Variants in CNGA1 observed in about 807,000 individuals in gnomAD.
CNGA1 encodes the protein cyclic nucleotide gated channel subunit alpha 1, also known as cyclic nucleotide-gated channel alpha-1.
Under a neutral mutation model 69.7 loss-of-function variants are expected in CNGA1, and 53 were observed. That is an observed-to-expected ratio of 0.76 (90% CI 0.61 to 0.96). The LOEUF is 0.96. Among genes scored for constraint, CNGA1 ranks in the 40% least tolerant of loss-of-function variants. The pLI is 0.00. For missense variants in CNGA1, 739 were observed against 811.2 expected, an observed-to-expected ratio of 0.91 and a Z score of 1.08; for synonymous variants, 249 against 283.5, an observed-to-expected ratio of 0.88 and a Z score of 1.22.
chr4:47,958,640 C>G (rs900950289), intron 3 of CNGA1, among the ~76,000 whole-genome samples: 1 of 151,406 alleles, frequency 6.6e-6, no homozygotes, highest in African/African-American at 2.4e-5. Context: ...AAAAAATAGA[C>G]GTAGATGATT....
At chr4:47,958,474 A>C (rs1560291636) in intron 3 of CNGA1, among the ~76,000 whole-genome samples, 1 of 152,120 alleles carries the variant, frequency 6.6e-6, no homozygotes, top group Non-Finnish European at 1.5e-5. Context: ...AAATACAAAA[A>C]TTAGCAGGGC....
At chr4:48,000,179 G>A (rs321636) in intron 2 of CNGA1, among the ~76,000 whole-genome samples, 43,942 of 151,842 alleles carry the variant, frequency 0.29, 7,017 homozygotes, top group African/African-American at 0.43. Flanking sequence ...CATATTAATT[G>A]GATCAACATG....
rs2110129173 is a variant in CNGA1 at position 47,937,277 on chromosome 4, G to A, written c.1205C>T (p.Ala402Val). The A allele has an allele frequency of 6.2e-7, 1 of 1,613,850 alleles. No individual in the cohort carries two copies. The highest frequency in any genetic ancestry group is 8.5e-7 in the Non-Finnish European group (1 of 1,180,030). ...AATTCTTGCTTGAAATTCTGCTCTG[G>A]CTGCATTCATGTTGGAAATCATAGA... ...IGSMISNMNA[A>V]RAEFQARIDA... is the part of the protein sequence containing the mutation. The change falls in exon 11 of 11, where the codon GCC (alanine) becomes GTC (valine). Residue 402 changes from alanine to valine, a missense_variant. By Grantham distance (64) the Ala-to-Val change is moderately conservative. Transcript: ENST00000514170.
intron 10 of CNGA1, among the ~76,000 whole-genome samples, chr4:47,938,259 T>A (rs1462377249): frequency 2.6e-5 from 4 of 152,050 alleles, no homozygotes; most frequent in Non-Finnish European, 5.9e-5. Flanking sequence ...AGGTCTATCA[T>A]CACCATCCAG....
intron 2 of CNGA1, among the ~76,000 whole-genome samples, chr4:48,001,581 C>A (rs1714666308): frequency 1.3e-5 from 2 of 152,228 alleles, no homozygotes; most frequent in Admixed American, 1.3e-4. Context: ...ATAAAATTGT[C>A]TATTAATTAA....
At chr4:48,008,779 T>C (rs1275826892) in intron 2 of CNGA1, among the ~76,000 whole-genome samples, 1 of 152,234 alleles carries the variant, frequency 6.6e-6, no homozygotes, top group Non-Finnish European at 1.5e-5. Flanking sequence ...TGTCCTTGCT[T>C]ATTCCCAAAC....
intron 1 of CNGA1, among the ~76,000 whole-genome samples, chr4:48,013,679 T>C (rs1295238188): frequency 6.6e-6 from 1 of 152,222 alleles, no homozygotes; most frequent in Non-Finnish European, 1.5e-5. Context: ...GCTTCACTTT[T>C]CCCTTTAGCT....
chr4:48,007,198 T>C (rs571154592), intron 2 of CNGA1, among the ~76,000 whole-genome samples: 12 of 152,350 alleles, frequency 7.9e-5, no homozygotes, highest in African/African-American at 2.6e-4. Flanking sequence ...ATATTGGTCA[T>C]AAAATTTAAC....
intron 3 of CNGA1, among the ~76,000 whole-genome samples, chr4:47,979,350 C>T (rs1305242306): frequency 6.7e-6 from 1 of 148,574 alleles, no homozygotes; most frequent in Non-Finnish European, 1.5e-5. Flanking sequence ...AATCTTGGCA[C>T]AAGGGTTGTC....
At chr4:48,008,237 C>T (rs1467751670) in intron 2 of CNGA1, among the ~76,000 whole-genome samples, 1 of 152,024 alleles carries the variant, frequency 6.6e-6, no homozygotes, top group Non-Finnish European at 1.5e-5. Flanking sequence ...TCATGACATG[C>T]TTGGACTTTC....
At chr4:47,976,371 T>G (rs912568409) in intron 3 of CNGA1, among the ~76,000 whole-genome samples, 1 of 146,498 alleles carries the variant, frequency 6.8e-6, no homozygotes, top group African/African-American at 2.5e-5. Context: ...GTGTTTATTA[T>G]GGGTACAGGT....
intron 3 of CNGA1, among the ~76,000 whole-genome samples, chr4:47,979,975 G>T (rs1374806327): frequency 2.0e-5 from 3 of 152,138 alleles, no homozygotes; most frequent in Non-Finnish European, 4.4e-5. Flanking sequence ...AACTTTGACT[G>T]TGGCCTGTAT....
At chr4:47,976,340 C>T (rs933648067) in intron 3 of CNGA1, among the ~76,000 whole-genome samples, 1 of 22,668 alleles carries the variant, frequency 4.4e-5, no homozygotes, top group African/African-American at 9.9e-5. Flanking sequence ...TATATATACA[C>T]ATATATATAT....
intron 9 of CNGA1, 42 bp from the exon 10 acceptor site, chr4:47,940,911 G>T: frequency 7.6e-7 from 1 of 1,307,658 alleles, no homozygotes; most frequent in Non-Finnish European, 1.1e-6. Context: ...AAAGAAATGG[G>T]GGCCAATTTA....
chr4:47,990,051 AC>A (rs1692934969), intron 2 of CNGA1, among the ~76,000 whole-genome samples: 1 of 149,318 alleles, frequency 6.7e-6, no homozygotes, highest in African/African-American at 2.6e-5. Context: ...GATTGCATTA[AC>A]GGTACAAATT....
chr4:47,948,875 G>GTGC (rs1345106972), intron 6 of CNGA1, among the ~76,000 whole-genome samples: 1 of 152,178 alleles, frequency 6.6e-6, no homozygotes, highest in East Asian at 1.9e-4. Context: ...ACCAGCAGAT[G>GTGC]TGCTGGCTAA....
chr4:47,960,167 G>C (rs986763556), intron 3 of CNGA1, among the ~76,000 whole-genome samples: 1 of 152,128 alleles, frequency 6.6e-6, no homozygotes, highest in African/African-American at 2.4e-5. Context: ...ATGAAAATGT[G>C]CTTAACTCAT....
At chr4:47,945,764 T>C (rs1739360676) in intron 6 of CNGA1, among the ~76,000 whole-genome samples, 1 of 151,664 alleles carries the variant, frequency 6.6e-6, no homozygotes, top group Non-Finnish European at 1.5e-5. Flanking sequence ...CATGGAGGAG[T>C]GGTGGTCTCT....
At chr4:47,974,131 ATAGC>A in intron 3 of CNGA1, among the ~76,000 whole-genome samples, 1 of 151,884 alleles carries the variant, frequency 6.6e-6, no homozygotes, top group Non-Finnish European at 1.5e-5. Context: ...TAGATGATAG[ATAGC>A]TAGATAAAAC....
Sources: gnomAD v4.1 joint callset for allele counts (sites outside exome capture counted in the v4.1 genomes callset) on GRCh38, gnomAD v4.1.1 for gene constraint, MANE v1.5 for transcripts, NCBI Gene and HGNC (gene_info 2026-07-23, HGNC 2026-07-21) for gene names.